CSMD3: variants seen among roughly 807,000 people sequenced by gnomAD.
CSMD3 encodes CUB and sushi domain-containing protein 3.
CSMD3 carries 177 observed loss-of-function variants against 435.2 expected under a neutral mutation model. The ratio of observed to expected loss-of-function variants is 0.41; its 90% confidence interval spans 0.36 to 0.46. The LOEUF (loss-of-function observed/expected upper bound fraction) is 0.46, where lower values mean the gene tolerates loss of function less well. Ranked by LOEUF, CSMD3 falls within the 20% of genes least tolerant of loss-of-function variation. The probability of loss-of-function intolerance (pLI) is 0.34; values close to 1 mark genes in which losing one functional copy is unlikely to be tolerated. For missense variants in CSMD3, 4,265 were observed against 4,504.6 expected (o/e 0.95, Z 1.52); for synonymous variants, 1,656 against 1,520.5 (o/e 1.09, Z -2.07).
chr8:112,425,355 A>G (rs1812961983), intron 32 of CSMD3, among the ~76,000 whole-genome samples: 1 of 152,180 alleles, frequency 6.6e-6, no homozygotes, highest in Non-Finnish European at 1.5e-5. Flanking sequence ...GACTTAATTT[A>G]TAGATTCAGC....
intron 3 of CSMD3, among the ~76,000 whole-genome samples, chr8:113,209,102 A>C (rs1452569414): frequency 1.3e-5 from 2 of 152,130 alleles, no homozygotes; most frequent in African/African-American, 2.4e-5. Flanking sequence ...ATAATGGTTG[A>C]TGTTATTAAA....
chr8:112,244,172 A>C (rs1032716135), intron 65 of CSMD3, among the ~76,000 whole-genome samples: 3 of 152,162 alleles, frequency 2.0e-5, no homozygotes, highest in African/African-American at 7.2e-5. Context: ...TTGAAGATAG[A>C]ATTAAGGCAA....
intron 12 of CSMD3, among the ~76,000 whole-genome samples, chr8:112,822,861 T>C (rs951773313): frequency 1.3e-5 from 2 of 152,190 alleles, no homozygotes; most frequent in Non-Finnish European, 2.9e-5. Context: ...TCAAATTGTA[T>C]TGAAGGCCTT....
chr8:113,378,441 T>G (rs1438829438), intron 1 of CSMD3, among the ~76,000 whole-genome samples: 1 of 152,200 alleles, frequency 6.6e-6, no homozygotes, highest in Non-Finnish European at 1.5e-5. Flanking sequence ...ACATTTTAAT[T>G]ATATATTGTG....
At chr8:112,780,633 G>A (rs2132240841) in intron 13 of CSMD3, among the ~76,000 whole-genome samples, 1 of 152,132 alleles carries the variant, frequency 6.6e-6, no homozygotes, top group African/African-American at 2.4e-5. Context: ...CAGCAGTGGG[G>A]CACACAGAAT....
intron 6 of CSMD3, among the ~76,000 whole-genome samples, chr8:113,009,370 A>G (rs1161339972): frequency 6.6e-6 from 1 of 151,886 alleles, no homozygotes; most frequent in Non-Finnish European, 1.5e-5. Flanking sequence ...CACAGACTGA[A>G]GTCGGTATTC....
chr8:112,715,777 A>T (rs1418422175), intron 13 of CSMD3, among the ~76,000 whole-genome samples: 1 of 152,168 alleles, frequency 6.6e-6, no homozygotes, highest in Non-Finnish European at 1.5e-5. Context: ...AACATACACA[A>T]ACCGGCAGAT....
intron 24 of CSMD3, among the ~76,000 whole-genome samples, chr8:112,571,392 T>G (rs1829503613): frequency 6.6e-6 from 1 of 152,116 alleles, no homozygotes; most frequent in Admixed American, 6.6e-5. Flanking sequence ...CAGTTCACAC[T>G]AATGACAATA....
chr8:113,314,873 T>G, intron 1 of CSMD3, 80 bp from the exon 2 acceptor site: 1 of 1,010,952 alleles, frequency 9.9e-7, no homozygotes, highest in African/African-American at 1.6e-5. Flanking sequence ...TTTGAAAGTC[T>G]ATTGCATTTC....
intron 3 of CSMD3, among the ~76,000 whole-genome samples, chr8:113,245,537 T>C (rs1385323997): frequency 6.6e-6 from 1 of 152,028 alleles, no homozygotes; most frequent in Non-Finnish European, 1.5e-5. Flanking sequence ...TATGCCATCT[T>C]CTCCAACCCC....
At chr8:113,398,309 T>C (rs575181602) in intron 1 of CSMD3, among the ~76,000 whole-genome samples, 1 of 151,474 alleles carries the variant, frequency 6.6e-6, no homozygotes, top group African/African-American at 2.4e-5. Context: ...TACCAGTCTT[T>C]CTCCACTGAC....
intron 13 of CSMD3, among the ~76,000 whole-genome samples, chr8:112,722,081 T>C (rs1047857389): frequency 2.0e-5 from 3 of 151,752 alleles, no homozygotes; most frequent in African/African-American, 7.3e-5. Context: ...CATAAGGCTG[T>C]GTAGGGAATT....
At position 112,558,235 on chromosome 8, in the gene CSMD3, GA is replaced by G. The variant is rs200052050; in HGVS notation, c.4043-1282del. Among the ~76,000 whole-genome samples, 1,122 of 151,670 alleles carry G rather than the reference GA, an allele frequency of 7.4e-3. 10 individuals carry two copies. The highest frequency in any genetic ancestry group is 0.026 in the African/African-American group (1,083 of 41,400). On this transcript the variant is annotated intron_variant, in intron 24 of 70. Coordinates refer to ENST00000297405, the MANE Select transcript of CSMD3 (RefSeq NM_198123.2). ...TCCCCAAGATGCATCATAAAAACTA[GA>G]AAACCTCTCCCCCAAAGCGAGCCAC...
chr8:112,408,261 C>A, intron 34 of CSMD3, 57 bp downstream of exon 34: 1 of 990,180 alleles, frequency 1.0e-6, no homozygotes, highest in African/African-American at 4.1e-5. Flanking sequence ...ACTCTGAATA[C>A]ATCATGGGAA....
intron 27 of CSMD3, among the ~76,000 whole-genome samples, chr8:112,542,002 A>G (rs1410781251): frequency 2.6e-5 from 4 of 152,016 alleles, no homozygotes; most frequent in Non-Finnish European, 5.9e-5. Flanking sequence ...AAAATCAATT[A>G]TTTTGATACA....
chr8:112,263,488 T>G, intron 61 of CSMD3, 151 bp downstream of exon 61: 1 of 655,920 alleles, frequency 1.5e-6, no homozygotes, highest in South Asian at 1.8e-5. Context: ...AGAAACATAA[T>G]GACTTAATTA....
In CSMD3 at chr8:113,304,914, T is replaced by TA. The variant is rs71281210; in HGVS notation, c.401+9656dup. 3.5e-4 allele frequency among the ~76,000 whole-genome samples: 42 copies of TA among 119,776 alleles called. No homozygotes were observed. The East Asian group carries it at 8.0e-3, about 23-fold the overall frequency. 78.6% of individuals were successfully genotyped at this position (119,776 alleles called of 152,430 possible). A position where few individuals can be genotyped will look rare whatever the true frequency, so the allele number is the denominator to read the frequency against. On this transcript the variant is annotated intron_variant, in intron 2 of 70. Transcript: ENST00000297405. Reference sequence around the variant, plus strand: ...ATGTACCCTAAAACTTAAAGTATAATAAAAAAAAAAAAAAAAGAAAATGTG... The same window carrying TA: ...ATGTACCCTAAAACTTAAAGTATAATAAAAAAAAAAAAAAAAAGAAAATGTG...
chr8:112,324,337 G>A (rs567960291), intron 45 of CSMD3, among the ~76,000 whole-genome samples: 20 of 152,060 alleles, frequency 1.3e-4, no homozygotes, highest in Non-Finnish European at 2.1e-4. Context: ...CACGTTCCGC[G>A]TATAGCTTAT....
chr8:112,773,524 C>G (rs2078172766), intron 13 of CSMD3, among the ~76,000 whole-genome samples: 1 of 152,020 alleles, frequency 6.6e-6, no homozygotes, highest in African/African-American at 2.4e-5. Context: ...TCTCAACTTT[C>G]CAAAGCAACA....
Sources: allele counts gnomAD v4.1 joint callset (sites outside exome capture counted in the v4.1 genomes callset), GRCh38; gene constraint gnomAD v4.1.1; transcripts MANE v1.5; gene names NCBI Gene and HGNC (gene_info 2026-07-23, HGNC 2026-07-21).